DNAJC5B: variants seen among roughly 807,000 people sequenced by gnomAD.
The protein encoded by DNAJC5B is DnaJ heat shock protein family (Hsp40) member C5 beta, also known as dnaJ homolog subfamily C member 5B.
A neutral mutation model predicts 24.7 loss-of-function variants in DNAJC5B; 23 were observed. The ratio of observed to expected loss-of-function variants is 0.93; its 90% CI spans 0.67 to 1.32. The LOEUF (loss-of-function observed/expected upper bound fraction) is 1.32. Ranked by LOEUF, DNAJC5B falls within the 40% of genes most tolerant of loss-of-function variation. The pLI is 0.00. For synonymous variants in DNAJC5B, 101 were observed against 90.1 expected, an observed-to-expected ratio of 1.12 and a Z score of -0.68; for missense variants, 238 against 240.8, an observed-to-expected ratio of 0.99 and a Z score of 0.08.
chr8:66,026,736 G>C (rs1806252600), intron 1 of DNAJC5B, among the ~76,000 whole-genome samples: 1 of 152,250 alleles, frequency 6.6e-6, no homozygotes, highest in African/African-American at 2.4e-5. Context: ...CTGAGAAGGA[G>C]CTCTCCTGCT....
At chr8:66,086,028 C>T (rs939065203) in intron 5 of DNAJC5B, among the ~76,000 whole-genome samples, 2 of 152,070 alleles carry the variant, frequency 1.3e-5, no homozygotes, top group Middle Eastern at 3.2e-3. Context: ...TAAATGGGTA[C>T]CTAAGTATTT....
intron 3 of DNAJC5B, among the ~76,000 whole-genome samples, chr8:66,069,560 GT>G (rs1235549783): frequency 3.5e-4 from 54 of 152,116 alleles, no homozygotes; most frequent in African/African-American, 1.1e-3. Flanking sequence ...AATTGAGGCA[GT>G]AATTAATAGC....
intron 3 of DNAJC5B, among the ~76,000 whole-genome samples, chr8:66,055,133 A>C (rs1297216000): frequency 6.6e-6 from 1 of 152,190 alleles, no homozygotes; most frequent in African/African-American, 2.4e-5. Flanking sequence ...TACAACATAA[A>C]GTCTATTCAT....
chr8:66,019,077 C>A (rs142943382), upstream of DNAJC5B, among the ~76,000 whole-genome samples: 33 of 152,258 alleles, frequency 2.2e-4, no homozygotes, highest in African/African-American at 7.2e-4. Context: ...TCAAAGGATG[C>A]GGCATAACCC....
At chr8:66,048,941 C>T (rs1457384354) in intron 2 of DNAJC5B, among the ~76,000 whole-genome samples, 2 of 152,132 alleles carry the variant, frequency 1.3e-5, no homozygotes, top group African/African-American at 4.8e-5. Context: ...TGGCATGGTT[C>T]CCAAGCAGAA....
intron 1 of DNAJC5B, among the ~76,000 whole-genome samples, chr8:66,029,750 A>G (rs1473020115): frequency 2.0e-5 from 3 of 152,142 alleles, no homozygotes; most frequent in African/African-American, 7.2e-5. Flanking sequence ...GAAAGGAGAC[A>G]CCTGGGTTTC....
chr8:66,067,741 C>A (rs55745275), intron 3 of DNAJC5B, among the ~76,000 whole-genome samples: 19,329 of 152,124 alleles, frequency 0.13, 2,502 homozygotes, highest in African/African-American at 0.33. Flanking sequence ...GAGCTCCCAA[C>A]CACAGCCAGC....
chr8:66,037,863 G>A (rs77228988), intron 1 of DNAJC5B, among the ~76,000 whole-genome samples: 1,639 of 152,306 alleles, frequency 0.011, 16 homozygotes, highest in East Asian at 0.03. Context: ...AAGAGAGTAT[G>A]AGGGCATGGC....
chr8:66,051,017 T>C (rs1454280598), intron 2 of DNAJC5B, among the ~76,000 whole-genome samples: 1 of 152,192 alleles, frequency 6.6e-6, no homozygotes, highest in Non-Finnish European at 1.5e-5. Context: ...ATATAATATA[T>C]TGTTATTGAC....
At chr8:66,053,368 T>C (rs1034712881) in intron 3 of DNAJC5B, among the ~76,000 whole-genome samples, 1 of 152,186 alleles carries the variant, frequency 6.6e-6, no homozygotes, top group Non-Finnish European at 1.5e-5. Flanking sequence ...TTTGTGCTTG[T>C]AAACATTTAA....
At chr8:66,079,609 G>A (rs993243078) in intron 4 of DNAJC5B, among the ~76,000 whole-genome samples, 2 of 152,234 alleles carry the variant, frequency 1.3e-5, no homozygotes, top group African/African-American at 2.4e-5. Flanking sequence ...GAACAGGGCT[G>A]TGCTGGTGCA....
chr8:66,021,985 G>A lies in DNAJC5B; in HGVS notation c.-142+280G>A, dbSNP rs533909435. 1.5e-4 allele frequency among the ~76,000 whole-genome samples: 23 copies of A among 152,318 alleles called. No homozygotes were observed. In the East Asian group the frequency reaches 4.4e-3, roughly 29 times the overall value. Reference sequence around the variant, plus strand: ...AAACAAAAATAAGTTAACTAAGGAAGTATTTTAATAGAAGCCAGTACAAAA... The same window carrying A: ...AAACAAAAATAAGTTAACTAAGGAAATATTTTAATAGAAGCCAGTACAAAA... On this transcript the variant is annotated intron_variant, in intron 1 of 5. Transcript: ENST00000276570.
At chr8:66,030,662 T>A (rs1806338803) in intron 1 of DNAJC5B, among the ~76,000 whole-genome samples, 1 of 152,052 alleles carries the variant, frequency 6.6e-6, no homozygotes, top group South Asian at 2.1e-4. Flanking sequence ...TCTGAGACAG[T>A]GTCTTGCTCT....
At chr8:66,027,066 G>A (rs555035488) in intron 1 of DNAJC5B, among the ~76,000 whole-genome samples, 7 of 152,156 alleles carry the variant, frequency 4.6e-5, no homozygotes, top group East Asian at 1.9e-4. Context: ...GCCACTCCTC[G>A]TCCTCCTCCT....
intron 5 of DNAJC5B, among the ~76,000 whole-genome samples, chr8:66,094,313 A>G (rs1358479684): frequency 6.6e-6 from 1 of 152,066 alleles, no homozygotes; most frequent in Non-Finnish European, 1.5e-5. Context: ...AATATGTGAC[A>G]TGGTATATTT....
intron 1 of DNAJC5B, among the ~76,000 whole-genome samples, chr8:66,036,832 T>C (rs1303848952): frequency 1.3e-5 from 2 of 152,214 alleles, no homozygotes. Context: ...TCTAAGAAAG[T>C]TGCAGAAGAG....
At chr8:66,089,557 T>C (rs887229229) in intron 5 of DNAJC5B, among the ~76,000 whole-genome samples, 2 of 152,206 alleles carry the variant, frequency 1.3e-5, no homozygotes, top group Non-Finnish European at 2.9e-5. Flanking sequence ...ATCTAAGACT[T>C]TTTCTTGCAT....
intron 5 of DNAJC5B, among the ~76,000 whole-genome samples, chr8:66,099,036 T>TCACACACA (rs34531773): frequency 0.026 from 3,819 of 146,198 alleles, 155 homozygotes; most frequent in African/African-American, 0.085. Flanking sequence ...TCTCTCTCTG[T>TCACACACA]CACACACACA....
intron 5 of DNAJC5B, among the ~76,000 whole-genome samples, chr8:66,090,280 T>G (rs1215191823): frequency 2.0e-5 from 3 of 146,718 alleles, no homozygotes; most frequent in African/African-American, 5.1e-5. Flanking sequence ...TGTGTGTGTG[T>G]GGTAGAGAGA....
Sources: gnomAD v4.1 joint callset for allele counts (sites outside exome capture counted in the v4.1 genomes callset) on GRCh38, gnomAD v4.1.1 for gene constraint, MANE v1.5 for transcripts, NCBI Gene and HGNC (gene_info 2026-07-23, HGNC 2026-07-21) for gene names.